ACADM: variants seen among roughly 807,000 people sequenced by gnomAD.
ACADM encodes acyl-CoA dehydrogenase medium chain, also known as medium-chain specific acyl-CoA dehydrogenase, mitochondrial.
In ACADM, 49 loss-of-function variants were observed where a neutral mutation model predicts 58.9. The ratio of observed to expected loss-of-function variants is 0.83; its 90% confidence interval spans 0.66 to 1.06. ACADM has a LOEUF of 1.06. Among genes scored for constraint, ACADM ranks in the 50% least tolerant of loss-of-function variants. ACADM has a pLI of 0.00. For synonymous variants in ACADM, 160 were observed against 157.7 expected, an observed-to-expected ratio of 1.01 and a Z score of -0.11; for missense variants, 496 against 507.0, an observed-to-expected ratio of 0.98 and a Z score of 0.21.
At chr1:75,733,924 C>CAAGGGCT (rs1423459011) in intron 5 of ACADM, among the ~76,000 whole-genome samples, 7 of 152,152 alleles carry the variant, frequency 4.6e-5, no homozygotes, top group Non-Finnish European at 1.0e-4. Context: ...TAGGTAAAGC[C>CAAGGGCT]AAGGGCTAAA....
chr1:75,742,821 CCA>C (rs1368718749), intron 7 of ACADM, among the ~76,000 whole-genome samples: 1 of 152,096 alleles, frequency 6.6e-6, no homozygotes, highest in East Asian at 1.9e-4. Flanking sequence ...ATTCACACAC[CCA>C]GATCCCCTGG....
rs192557882 is a variant in ACADM at position 75,728,275 on chromosome 1, G to A, written c.31-126G>A. 399 of 642,502 alleles carry A rather than the reference G, an allele frequency of 6.2e-4. No individual in the cohort carries two copies. The African/African-American group carries it at 6.6e-3, about 11-fold the overall frequency. The allele number at this position is 642,502 out of a possible 1,614,324, so 39.8% of individuals were successfully genotyped here. A position where few individuals can be genotyped will look rare whatever the true frequency, so the allele number is the denominator to read the frequency against. On this transcript the variant is annotated intron_variant, in intron 1 of 11. Coordinates refer to ENST00000370841, the MANE Select transcript of ACADM (RefSeq NM_000016.6). ...AATTATGATTGAAGGCATTTAAATA[G>A]TGATGACTTTAAAAACTATGAGTAT... is the stretch of plus-strand genomic sequence containing the variant.
chr1:75,756,963 G>T (rs899038649), intron 10 of ACADM, among the ~76,000 whole-genome samples: 2 of 152,158 alleles, frequency 1.3e-5, no homozygotes, highest in Non-Finnish European at 2.9e-5. Flanking sequence ...ATGGGGGAAG[G>T]ATTCCCTATT....
At chr1:75,747,324 A>G (rs940486234) in intron 8 of ACADM, among the ~76,000 whole-genome samples, 1 of 151,530 alleles carries the variant, frequency 6.6e-6, no homozygotes, top group South Asian at 2.1e-4. Flanking sequence ...AGTGCATACT[A>G]TATACAGTAT....
At chr1:75,742,940 C>T (rs1179410411) in intron 7 of ACADM, among the ~76,000 whole-genome samples, 1 of 150,050 alleles carries the variant, frequency 6.7e-6, no homozygotes. Flanking sequence ...TGTGTTCAAT[C>T]CCTCCATACA....
chr1:75,746,565 A>C (rs1057184162), intron 8 of ACADM, among the ~76,000 whole-genome samples: 7 of 151,904 alleles, frequency 4.6e-5, no homozygotes, highest in African/African-American at 2.4e-5. Flanking sequence ...TATAAATTTT[A>C]TAAAGAAGGA....
At chr1:75,734,160 ATTTTTTTT>A (rs1160368175) in intron 5 of ACADM, among the ~76,000 whole-genome samples, 4 of 84,236 alleles carry the variant, frequency 4.7e-5, no homozygotes, top group Non-Finnish European at 6.8e-5. Flanking sequence ...TAATTTTTGT[ATTTTTTTT>A]TTTTTTTTTT....
chr1:75,762,419 T>C (rs138430105), intron 11 of ACADM, among the ~76,000 whole-genome samples: 21 of 152,274 alleles, frequency 1.4e-4, no homozygotes, highest in African/African-American at 5.1e-4. Flanking sequence ...CTTTCTGAAA[T>C]GTAAATATCT....
At chr1:75,740,651 C>T (rs924036010) in intron 7 of ACADM, among the ~76,000 whole-genome samples, 1 of 151,372 alleles carries the variant, frequency 6.6e-6, no homozygotes, top group Non-Finnish European at 1.5e-5. Flanking sequence ...TAAAAAAAAA[C>T]ACTCGATTAT....
intron 6 of ACADM, among the ~76,000 whole-genome samples, chr1:75,737,293 T>TATATATATATATATATAA (rs1647314877): frequency 3.6e-5 from 3 of 84,500 alleles, no homozygotes; most frequent in Admixed American, 1.2e-4. Flanking sequence ...TATATATATA[T>TATATATATATATATATAA]ATATATATAT....
chr1:75,738,119 T>G (rs545087453), intron 6 of ACADM, among the ~76,000 whole-genome samples: 57 of 152,186 alleles, frequency 3.7e-4, no homozygotes, highest in Non-Finnish European at 5.4e-4. Flanking sequence ...GATTTCACTG[T>G]GTTAGCCAGG....
intron 2 of ACADM, among the ~76,000 whole-genome samples, chr1:75,729,087 C>T (rs972715239): frequency 1.3e-5 from 2 of 152,020 alleles, no homozygotes; most frequent in Admixed American, 6.6e-5. Flanking sequence ...AAACCATTTA[C>T]TCAATTTATT....
chr1:75,730,977 A>G (rs1473962857), intron 2 of ACADM, among the ~76,000 whole-genome samples: 3 of 152,104 alleles, frequency 2.0e-5, no homozygotes, highest in Non-Finnish European at 4.4e-5. Flanking sequence ...CTTACTCTGC[A>G]TTAGTTTATC....
intron 7 of ACADM, among the ~76,000 whole-genome samples, chr1:75,743,174 G>GCT (rs34053323): frequency 1.3e-5 from 2 of 151,758 alleles, no homozygotes; most frequent in East Asian, 2.0e-4. Context: ...ATCCATTAAG[G>GCT]CTCTCTCTCT....
At chr1:75,750,571 T>G in intron 10 of ACADM, 25 bp downstream of exon 10, 1 of 1,464,954 alleles carries the variant, frequency 6.8e-7, no homozygotes, top group Non-Finnish European at 9.5e-7. Context: ...GCTTGCTTTG[T>G]TCAAATGTAA....
chr1:75,763,616 A>G lies in ACADM; in HGVS notation c.*853A>G, dbSNP rs1648962606. The G allele has an allele frequency of 6.6e-6, 1 of 152,188 alleles. No homozygotes were observed. The highest frequency in any genetic ancestry group is 1.5e-5 in the Non-Finnish European group (1 of 68,026). 9.4% of individuals were successfully genotyped at this position (152,188 alleles called of 1,614,324 possible). A position where few individuals can be genotyped will look rare whatever the true frequency, so the allele number is the denominator to read the frequency against. On this transcript the variant is annotated 3_prime_UTR_variant, in exon 12 of 12. Coordinates refer to ENST00000370841, the MANE Select transcript of ACADM (RefSeq NM_000016.6). Reference sequence around the variant, plus strand: ...TTGAATTGAATAAAGTTACCTGTTCATTTTTTATTAGATATTTTAAAGACT... The same window carrying G: ...TTGAATTGAATAAAGTTACCTGTTCGTTTTTTATTAGATATTTTAAAGACT...
Position 75,750,462 on chromosome 1 carries a change from T to C in ACADM, c.861T>C (p.Gly287=), listed in dbSNP as rs1026079492. The C allele has an allele frequency of 1.9e-6, 3 of 1,611,354 alleles. No individual in the cohort carries two copies. The highest frequency in any genetic ancestry group is 8.5e-7 in the Non-Finnish European group (1 of 1,179,272). The change falls in exon 10 of 12, where the codon GGT becomes GGC. Residue 287 remains glycine (G), a synonymous_variant. Coordinates refer to ENST00000370841, the MANE Select transcript of ACADM (RefSeq NM_000016.6). ...FDKTRPVVAA[G]AVGLAQRALD... ...TCTTAAAATACTAGGTAGCTGCTGG[T>C]GCTGTTGGATTAGCACAAAGAGCTT...
intron 8 of ACADM, among the ~76,000 whole-genome samples, chr1:75,746,761 G>A (rs1233522651): frequency 6.6e-6 from 1 of 151,816 alleles, no homozygotes; most frequent in Non-Finnish European, 1.5e-5. Context: ...ACCACACCTG[G>A]CTAATTTTTG....
chr1:75,735,865 G>A (rs749250464), intron 6 of ACADM, among the ~76,000 whole-genome samples: 2 of 149,882 alleles, frequency 1.3e-5, no homozygotes, highest in Non-Finnish European at 3.0e-5. Flanking sequence ...AGCAATTAAT[G>A]TGGGCTGGGC....
Sources: gnomAD v4.1 joint callset for allele counts (sites outside exome capture counted in the v4.1 genomes callset) on GRCh38, gnomAD v4.1.1 for gene constraint, MANE v1.5 for transcripts, NCBI Gene and HGNC (gene_info 2026-07-23, HGNC 2026-07-21) for gene names.